The following PDE10A variants were observed in gnomAD, a reference collection of about 807,000 sequenced individuals.
PDE10A encodes the protein cAMP and cAMP-inhibited cGMP 3',5'-cyclic phosphodiesterase 10A.
PDE10A carries 39 observed loss-of-function variants against 97.7 expected under a neutral mutation model. That is an observed-to-expected ratio of 0.40 (90% CI 0.31 to 0.52). PDE10A has a LOEUF of 0.52. Ranked by LOEUF, PDE10A falls within the 20% of genes least tolerant of loss-of-function variation. PDE10A has a pLI of 0.56. For missense variants in PDE10A, 731 were observed against 1,047.8 expected, an observed-to-expected ratio of 0.70 and a Z score of 4.17; for synonymous variants, 371 against 376.8, an observed-to-expected ratio of 0.98 and a Z score of 0.18.
At position 165,367,663 on chromosome 6, in the gene PDE10A, A is replaced by T. The variant is rs1012759443; in HGVS notation, c.2783+11531T>A. ...CTGACTTTTCCCCTCAGGAGGGGGA[A>T]AAAAAAAAAGACAGAGGCCAGAAGA... On this transcript the variant is annotated intron_variant, in intron 18 of 21. Coordinates refer to ENST00000539869, the MANE Select transcript of PDE10A (RefSeq NM_001385079.1). Among the ~76,000 whole-genome samples, 22 of 43,636 alleles carry T rather than the reference A, an allele frequency of 5.0e-4. No homozygotes were observed. The Admixed American group carries it at 5.2e-3, about 10-fold the overall frequency. The allele number at this position is 43,636 out of a possible 152,430, so 28.6% of individuals were successfully genotyped here. A position where few individuals can be genotyped will look rare whatever the true frequency, so the allele number is the denominator to read the frequency against.
At chr6:165,458,210 T>C (rs1183653757) in intron 3 of PDE10A, among the ~76,000 whole-genome samples, 2 of 152,182 alleles carry the variant, frequency 1.3e-5, no homozygotes, top group Non-Finnish European at 2.9e-5. Flanking sequence ...ATTACAAGAA[T>C]AGTACAAGAA....
At chr6:165,619,209 GCAGTGTAGAC>G (rs1157917455) in intron 1 of PDE10A, among the ~76,000 whole-genome samples, 3 of 145,794 alleles carry the variant, frequency 2.1e-5, no homozygotes, top group African/African-American at 5.5e-5. Context: ...GTAATGTAGT[GCAGTGTAGAC>G]TAGTGTAGTG....
intron 1 of PDE10A, among the ~76,000 whole-genome samples, chr6:165,654,402 G>A (rs1789834386): frequency 6.6e-6 from 1 of 151,814 alleles, no homozygotes; most frequent in South Asian, 2.1e-4. Context: ...CTCTCAGGTG[G>A]CCACAGTGCT....
intron 13 of PDE10A, among the ~76,000 whole-genome samples, chr6:165,403,049 T>G (rs953853961): frequency 1.3e-5 from 2 of 152,184 alleles, no homozygotes. Flanking sequence ...GCAAATCACT[T>G]AATTCTCTGT....
At chr6:165,839,993 C>T (rs67803807) in intron 1 of PDE10A, among the ~76,000 whole-genome samples, 864 of 4,834 alleles carry the variant, frequency 0.18, 8 homozygotes, top group African/African-American at 0.21. Context: ...CCATCTCCAA[C>T]TCCATCCCAT....
chr6:165,881,063 G>C (rs1301107930), intron 1 of PDE10A, among the ~76,000 whole-genome samples: 2 of 152,072 alleles, frequency 1.3e-5, no homozygotes, highest in African/African-American at 4.8e-5. Flanking sequence ...GAACAAAAAA[G>C]AAAAATGGTA....
chr6:165,724,753 C>T (rs938751474), intron 1 of PDE10A, among the ~76,000 whole-genome samples: 1 of 152,160 alleles, frequency 6.6e-6, no homozygotes, highest in Non-Finnish European at 1.5e-5. Context: ...GAAGGAAATA[C>T]AGCCTGAACA....
At chr6:165,338,419 A>T (rs1781773613) in intron 20 of PDE10A, among the ~76,000 whole-genome samples, 1 of 152,202 alleles carries the variant, frequency 6.6e-6, no homozygotes, top group South Asian at 2.1e-4. Context: ...CAGTTAACGA[A>T]AGCCATACTC....
intron 18 of PDE10A, among the ~76,000 whole-genome samples, chr6:165,360,972 C>T (rs1018446497): frequency 9.2e-5 from 14 of 152,092 alleles, no homozygotes; most frequent in African/African-American, 3.1e-4. Context: ...TGCTTTCCCC[C>T]AAAGAACAGG....
At chr6:165,938,411 T>A (rs561457463) in intron 1 of PDE10A, among the ~76,000 whole-genome samples, 34 of 152,368 alleles carry the variant, frequency 2.2e-4, no homozygotes, top group Non-Finnish European at 4.1e-4. Flanking sequence ...CTATTCTGTT[T>A]ATAGCTTATC....
chr6:165,827,274 C>G (rs1423489035), intron 1 of PDE10A, among the ~76,000 whole-genome samples: 4 of 152,192 alleles, frequency 2.6e-5, no homozygotes, highest in Non-Finnish European at 5.9e-5. Context: ...CACGCCCATT[C>G]GCGGCTGCCC....
intron 1 of PDE10A, among the ~76,000 whole-genome samples, chr6:165,618,229 G>A (rs1027911332): frequency 3.9e-5 from 6 of 152,250 alleles, no homozygotes; most frequent in Non-Finnish European, 5.9e-5. Context: ...ACATAATTGT[G>A]TAGTAATGGG....
intron 1 of PDE10A, among the ~76,000 whole-genome samples, chr6:165,941,898 AC>A (rs1318688487): frequency 2.0e-5 from 3 of 152,090 alleles, no homozygotes; most frequent in Admixed American, 2.0e-4. Flanking sequence ...CTGCCATTTC[AC>A]CTTTCTTTAA....
At chr6:165,608,336 C>T (rs564908818) in intron 1 of PDE10A, among the ~76,000 whole-genome samples, 1 of 147,224 alleles carries the variant, frequency 6.8e-6, no homozygotes, top group Admixed American at 7.0e-5. Flanking sequence ...GTTCAATTCC[C>T]ACCTATGAGT....
intron 1 of PDE10A, among the ~76,000 whole-genome samples, chr6:165,600,530 G>A (rs376779340): frequency 6.6e-6 from 1 of 152,202 alleles, no homozygotes; most frequent in Non-Finnish European, 1.5e-5. Context: ...CACGTCCAGG[G>A]TAGCATATAT....
At chr6:165,532,898 G>T (rs1359693535) in intron 2 of PDE10A, among the ~76,000 whole-genome samples, 1 of 151,980 alleles carries the variant, frequency 6.6e-6, no homozygotes, top group African/African-American at 2.4e-5. Context: ...CTCTCTAAAG[G>T]CTTCATATAT....
intron 1 of PDE10A, among the ~76,000 whole-genome samples, chr6:165,886,927 C>T (rs1239359044): frequency 2.6e-5 from 4 of 152,014 alleles, no homozygotes; most frequent in Admixed American, 6.6e-5. Flanking sequence ...ATCTGTCACT[C>T]GAATACTTTG....
chr6:165,765,869 T>C (rs948928815), intron 1 of PDE10A, among the ~76,000 whole-genome samples: 7 of 122,824 alleles, frequency 5.7e-5, no homozygotes, highest in Admixed American at 4.6e-4. Flanking sequence ...TCTACAAAAG[T>C]TTAGATGTAG....
chr6:165,689,503 C>G (rs1000279733), intron 1 of PDE10A, among the ~76,000 whole-genome samples: 30 of 152,238 alleles, frequency 2.0e-4, no homozygotes, highest in African/African-American at 6.7e-4. Context: ...GGGACAGATC[C>G]CGCATGAACA....
Sources: allele counts gnomAD v4.1 joint callset (sites outside exome capture counted in the v4.1 genomes callset), GRCh38; gene constraint gnomAD v4.1.1; transcripts MANE v1.5; gene names NCBI Gene and HGNC (gene_info 2026-07-23, HGNC 2026-07-21).